The following PCDH7 variants were observed in gnomAD, a reference collection of about 807,000 sequenced individuals.
The protein encoded by PCDH7 is protocadherin-7.
A neutral mutation model predicts 58.9 loss-of-function variants in PCDH7; 17 were observed. The ratio of observed to expected loss-of-function variants is 0.29; its 90% CI spans 0.20 to 0.43. The LOEUF (loss-of-function observed/expected upper bound fraction) is 0.43, where lower values mean the gene tolerates loss of function less well. Ranked by LOEUF, PCDH7 falls within the 20% of genes least tolerant of loss-of-function variation. The pLI is 1.00. For missense variants in PCDH7, 1,274 were observed against 1,441.0 expected (o/e 0.88, Z 1.88); for synonymous variants, 664 against 616.4 (o/e 1.08, Z -1.14).
intron 3 of PCDH7, among the ~76,000 whole-genome samples, chr4:31,001,552 C>T (rs956783527): frequency 8.5e-5 from 13 of 152,086 alleles, no homozygotes; most frequent in South Asian, 2.1e-4. Flanking sequence ...TACCCACACA[C>T]ACACGTACAT....
intron 1 of PCDH7, among the ~76,000 whole-genome samples, chr4:30,796,707 T>A (rs1229912793): frequency 6.6e-6 from 1 of 152,218 alleles, no homozygotes; most frequent in African/African-American, 2.4e-5. Flanking sequence ...TTTAAATGTC[T>A]TGATTTAGAA....
chr4:30,757,082 T>C (rs1347195373), intron 1 of PCDH7, among the ~76,000 whole-genome samples: 1 of 152,206 alleles, frequency 6.6e-6, no homozygotes, highest in African/African-American at 2.4e-5. Context: ...AAAGCTTCCA[T>C]TGAGTTACAC....
At position 31,083,569 on chromosome 4, in the gene PCDH7, T is replaced by C. The variant is rs572380759; in HGVS notation, c.*8-58904T>C. The stretch of plus-strand genomic sequence containing the variant: ...AACTAAGCTCATTTTTCTTTGCGTC[T>C]GAGCCAAATTTTAAAGGATTACGTT... On this transcript the variant is annotated intron_variant, in intron 3 of 3. Transcript: ENST00000509759. 3.3e-5 allele frequency among the ~76,000 whole-genome samples: 5 copies of C among 152,336 alleles called. No homozygotes were observed. The South Asian group carries it at 8.3e-4, about 25-fold the overall frequency.
intron 1 of PCDH7, among the ~76,000 whole-genome samples, chr4:30,823,512 A>C (rs2109323352): frequency 6.6e-6 from 1 of 152,138 alleles, no homozygotes; most frequent in Non-Finnish European, 1.5e-5. Flanking sequence ...CCATTATGCC[A>C]CCTCCTTGCT....
intron 3 of PCDH7, among the ~76,000 whole-genome samples, chr4:31,049,898 A>T (rs1247319112): frequency 6.6e-6 from 1 of 152,128 alleles, no homozygotes; most frequent in Admixed American, 6.6e-5. Context: ...AAGCTTAGGG[A>T]TGGGATTATC....
intron 3 of PCDH7, among the ~76,000 whole-genome samples, chr4:31,031,772 C>A (rs564824346): frequency 6.6e-6 from 1 of 152,282 alleles, no homozygotes; most frequent in South Asian, 2.1e-4. Flanking sequence ...ACAACTAACT[C>A]TTTAGAAGAA....
intron 1 of PCDH7, among the ~76,000 whole-genome samples, chr4:30,817,265 A>C (rs1727805289): frequency 6.6e-6 from 1 of 152,098 alleles, no homozygotes; most frequent in Admixed American, 6.5e-5. Flanking sequence ...ATCTCATAGG[A>C]TGTTGTGAGG....
At chr4:30,832,831 TC>T (rs1729973765) in intron 1 of PCDH7, among the ~76,000 whole-genome samples, 1 of 152,148 alleles carries the variant, frequency 6.6e-6, no homozygotes, top group Non-Finnish European at 1.5e-5. Flanking sequence ...AAATATATTA[TC>T]CATTAACTAA....
At chr4:31,136,260 G>C (rs369380962) in intron 3 of PCDH7, among the ~76,000 whole-genome samples, 3 of 152,152 alleles carry the variant, frequency 2.0e-5, no homozygotes, top group Admixed American at 1.3e-4. Flanking sequence ...ACCATATTAC[G>C]AGCTGTATAG....
intron 3 of PCDH7, among the ~76,000 whole-genome samples, chr4:31,055,357 A>G (rs1029316786): frequency 7.2e-5 from 11 of 152,118 alleles, no homozygotes; most frequent in Non-Finnish European, 1.5e-5. Flanking sequence ...TTGAAAAACG[A>G]ATTTCTACTC....
At chr4:31,121,920 C>T (rs1156539534) in intron 3 of PCDH7, among the ~76,000 whole-genome samples, 6 of 152,006 alleles carry the variant, frequency 3.9e-5, no homozygotes, top group Non-Finnish European at 7.4e-5. Flanking sequence ...TGGTGCTTCT[C>T]CTTGTTGGTT....
intron 3 of PCDH7, among the ~76,000 whole-genome samples, chr4:31,053,737 T>C (rs542339584): frequency 6.6e-6 from 1 of 152,186 alleles, no homozygotes; most frequent in Non-Finnish European, 1.5e-5. Flanking sequence ...CCCACATCCT[T>C]TTATGTATTT....
chr4:31,102,596 C>A lies in PCDH7; in HGVS notation c.*8-39877C>A, dbSNP rs115917570. Among the ~76,000 whole-genome samples, 1,026 of 150,244 alleles carry A rather than the reference C, an allele frequency of 6.8e-3. 4 individuals carry two copies. Among genetic ancestry groups the A allele is most frequent in the Middle Eastern group, 0.038 (11 of 292 alleles). On this transcript the variant is annotated intron_variant, in intron 3 of 3. Coordinates refer to the PCDH7 transcript ENST00000509759. ...AAATTAGCCAGTGTGGTGGTGGAAC[C>A]GGGGAGGTGAAGGCTGAAGTGAGCC...
intron 1 of PCDH7, among the ~76,000 whole-genome samples, chr4:30,858,719 G>A (rs1733800411): frequency 6.6e-6 from 1 of 152,122 alleles, no homozygotes; most frequent in African/African-American, 2.4e-5. Flanking sequence ...TTAATGAGCT[G>A]TTTACTGATT....
chr4:31,098,358 G>T (rs985460592), intron 3 of PCDH7, among the ~76,000 whole-genome samples: 1 of 152,122 alleles, frequency 6.6e-6, no homozygotes, highest in Non-Finnish European at 1.5e-5. Flanking sequence ...TTAATAAAAA[G>T]GATTATATAG....
rs1291321926 is a variant in PCDH7 at position 31,037,260 on chromosome 4, G to C, written c.*7+87045G>C. Among the ~76,000 whole-genome samples, 3 of 152,046 alleles carry C rather than the reference G, an allele frequency of 2.0e-5. No individual in the cohort carries two copies. In the East Asian group the frequency reaches 5.8e-4, roughly 29 times the overall value. On this transcript the variant is annotated intron_variant, in intron 3 of 3. Transcript: ENST00000509759. ...GCCTGATCTCCCTGAAATTCAGTTTGTTCATCTGTATGTTGGGAATAACAA... is the reference window on the plus strand; with the variant it reads ...GCCTGATCTCCCTGAAATTCAGTTTCTTCATCTGTATGTTGGGAATAACAA...
chr4:31,009,741 A>G (rs907321542), intron 3 of PCDH7, among the ~76,000 whole-genome samples: 51 of 151,986 alleles, frequency 3.4e-4, no homozygotes, highest in African/African-American at 1.1e-3. Context: ...ATAACTAGCC[A>G]TAAGATATTC....
At chr4:30,918,627 C>A (rs1742787515) in intron 1 of PCDH7, among the ~76,000 whole-genome samples, 1 of 152,124 alleles carries the variant, frequency 6.6e-6, no homozygotes, top group East Asian at 1.9e-4. Context: ...AGTTCCAATT[C>A]AGTGAAACAT....
chr4:30,760,832 T>C lies in PCDH7; in HGVS notation c.70+36236T>C, dbSNP rs374516368. Among the ~76,000 whole-genome samples, 78 of 152,310 alleles carry C rather than the reference T, an allele frequency of 5.1e-4. 2 individuals are homozygous for C. In the South Asian group the frequency reaches 0.015, roughly 29 times the overall value. On this transcript the variant is annotated intron_variant, in intron 1 of 3. Coordinates refer to the PCDH7 transcript ENST00000509759. ...CTCCCCTCCTTTGACAGCTCAGCTG[T>C]GTGCCTTACACAGACACATCTCCAA...
Sources: allele counts gnomAD v4.1 joint callset (sites outside exome capture counted in the v4.1 genomes callset), GRCh38; gene constraint gnomAD v4.1.1; transcripts MANE v1.5; gene names NCBI Gene and HGNC (gene_info 2026-07-23, HGNC 2026-07-21).